Variants in GREB1 observed in about 807,000 individuals in gnomAD.
GREB1 encodes the protein protein GREB1.
A neutral mutation model predicts 200.7 loss-of-function variants in GREB1; 106 were observed. That is an observed-to-expected ratio of 0.53 (90% CI 0.45 to 0.62). The LOEUF (loss-of-function observed/expected upper bound fraction) is 0.62, where lower values mean the gene tolerates loss of function less well. Ranked by LOEUF, GREB1 falls within the 20% of genes least tolerant of loss-of-function variation. The pLI is 0.00. For synonymous variants in GREB1, 1,132 were observed against 1,092.4 expected (o/e 1.04, Z -0.72); for missense variants, 2,243 against 2,556.8 (o/e 0.88, Z 2.65).
At chr2:11,587,741 A>ACACACACACGCGCGCGCGCGCGCGCG in intron 9 of GREB1, 1 of 772,876 alleles carries the variant, frequency 1.3e-6, no homozygotes, top group African/African-American at 1.8e-5. Context: ...ACACACACAC[A>ACACACACACGCGCGCGCGCGCGCGCG]CGCCACCTTT....
chr2:11,558,719 A>G (rs1676682272), intron 2 of GREB1, among the ~76,000 whole-genome samples: 1 of 152,210 alleles, frequency 6.6e-6, no homozygotes, highest in Middle Eastern at 3.2e-3. Flanking sequence ...TGGTGCAGAC[A>G]GGCTTATCCA....
At chr2:11,488,995 G>T (rs975942402) in intron 1 of GREB1, among the ~76,000 whole-genome samples, 3 of 151,518 alleles carry the variant, frequency 2.0e-5, no homozygotes, top group African/African-American at 7.3e-5. Context: ...ATCACTTTTG[G>T]TCACCCTTGT....
intron 1 of GREB1, among the ~76,000 whole-genome samples, chr2:11,544,252 A>C (rs541253346): frequency 6.6e-6 from 1 of 152,112 alleles, no homozygotes; most frequent in South Asian, 2.1e-4. Context: ...GTCTTGCTCA[A>C]GTTGCCCAGG....
chr2:11,532,094 C>G (rs900524802), upstream of GREB1, among the ~76,000 whole-genome samples: 1 of 152,082 alleles, frequency 6.6e-6, no homozygotes, highest in Non-Finnish European at 1.5e-5. Context: ...GCTAAGGAGT[C>G]AACATTAGCA....
intron 1 of GREB1, among the ~76,000 whole-genome samples, chr2:11,504,857 C>A (rs566461289): frequency 2.6e-5 from 4 of 152,372 alleles, no homozygotes; most frequent in African/African-American, 7.2e-5. Context: ...GTGCCAGACA[C>A]AGCACTTTGG....
At chr2:11,625,610 T>C (rs1229689083) in intron 24 of GREB1, among the ~76,000 whole-genome samples, 2 of 152,188 alleles carry the variant, frequency 1.3e-5, no homozygotes, top group Admixed American at 1.3e-4. Context: ...TATGTTTACT[T>C]ATTAATTTGG....
chr2:11,551,685 T>C lies in GREB1; in HGVS notation c.-161-4769T>C, dbSNP rs543438712. Among the ~76,000 whole-genome samples the C allele has an allele frequency of 7.2e-5, 11 of 152,358 alleles. No individual in the cohort carries two copies. In the South Asian group the frequency reaches 1.7e-3, roughly 23 times the overall value. On this transcript the variant is annotated intron_variant, in intron 1 of 32. Coordinates refer to ENST00000381486, the MANE Select transcript of GREB1 (RefSeq NM_014668.4). ...TTCCTCAAATGCTGTTCTTAGTTTT[T>C]TTTCCAAAGACATCCTACTCAGTGG...
chr2:11,624,533 C>T (rs533855192), intron 23 of GREB1, among the ~76,000 whole-genome samples: 25 of 151,524 alleles, frequency 1.6e-4, no homozygotes, highest in South Asian at 4.2e-4. Flanking sequence ...TTAGTAGATA[C>T]GGGGTTTTAC....
intron 11 of GREB1, among the ~76,000 whole-genome samples, chr2:11,594,280 G>T (rs1014445800): frequency 2.0e-5 from 3 of 152,082 alleles, no homozygotes; most frequent in Non-Finnish European, 2.9e-5. Flanking sequence ...AAAGTGCTGG[G>T]ATTACAGGCA....
At chr2:11,515,794 C>T (rs1356396759) in intron 1 of GREB1, among the ~76,000 whole-genome samples, 3 of 152,250 alleles carry the variant, frequency 2.0e-5, no homozygotes, top group Admixed American at 2.0e-4. Context: ...AATCCTCTGG[C>T]ATTCTTCTTA....
chr2:11,502,613 AAACTACTAAAGGAGCAAAT>A (rs1172948191), intron 1 of GREB1, among the ~76,000 whole-genome samples: 5 of 152,118 alleles, frequency 3.3e-5, no homozygotes, highest in African/African-American at 1.2e-4. Flanking sequence ...TTATTTGGAT[AAACTACTAAAGGAGCAAAT>A]AACTACAAGA....
chr2:11,493,845 G>T lies in GREB1; in HGVS notation c.-159+11464G>T, dbSNP rs944341430. Among the ~76,000 whole-genome samples the T allele has an allele frequency of 6.6e-6, 1 of 152,194 alleles. No homozygotes were observed. Among genetic ancestry groups the T allele is most frequent in the African/African-American group, 2.4e-5 (1 of 41,436 alleles). The stretch of plus-strand genomic sequence containing the variant: ...CTGGGGGCAATTTGTAAACTCCAGA[G>T]ATGTAAGGTATTGCTGTTATCCTTA... On this transcript the variant is annotated intron_variant, in intron 1 of 2. Transcript: ENST00000628795. The surrounding 1 kb of genome is among the most constrained non-coding windows in gnomAD (Gnocchi z 4.6).
chr2:11,540,421 G>A (rs73189386), intron 1 of GREB1, among the ~76,000 whole-genome samples: 2,120 of 152,328 alleles, frequency 0.014, 57 homozygotes, highest in African/African-American at 0.049. Context: ...GTTTTCAGTG[G>A]TTTCTGCTTC....
rs1257102569 is a variant in GREB1, at chr2:11,570,595, CTGTAT to C, written c.454+3940_454+3944del. Among the ~76,000 whole-genome samples the C allele has an allele frequency of 3.3e-5, 5 of 151,710 alleles. No homozygotes were observed. The East Asian group carries it at 9.7e-4, about 29-fold the overall frequency. On this transcript the variant is annotated intron_variant, in intron 4 of 32. Transcript: ENST00000381486. ...AAGGGAGTTCTAAAGCATTTAGTTG[CTGTAT>C]CTCTTCAATTTTTCTTTATGTGTAG...
intron 17 of GREB1, among the ~76,000 whole-genome samples, chr2:11,606,853 G>A (rs1682348178): frequency 6.6e-6 from 1 of 151,380 alleles, no homozygotes; most frequent in South Asian, 2.1e-4. Context: ...CATGATCTTG[G>A]CTCACTGAAA....
chr2:11,513,773 T>G (rs1673413421), intron 1 of GREB1, among the ~76,000 whole-genome samples: 1 of 152,220 alleles, frequency 6.6e-6, no homozygotes, highest in African/African-American at 2.4e-5. Context: ...GGCCTGGTCC[T>G]TCTTGGTACC....
intron 1 of GREB1, among the ~76,000 whole-genome samples, chr2:11,484,481 G>A (rs1672599746): frequency 6.6e-6 from 1 of 151,696 alleles, no homozygotes; most frequent in South Asian, 2.1e-4. Flanking sequence ...GGCAGGCACG[G>A]CTCACACCTG....
intron 1 of GREB1, among the ~76,000 whole-genome samples, chr2:11,534,972 G>C (rs1272926731): frequency 1.3e-5 from 2 of 152,202 alleles, no homozygotes; most frequent in Non-Finnish European, 2.9e-5. Context: ...CATTCTGGAG[G>C]CCTCTGAATG....
chr2:11,507,415 A>AC (rs1196686592), intron 1 of GREB1, among the ~76,000 whole-genome samples: 2 of 151,668 alleles, frequency 1.3e-5, no homozygotes, highest in Admixed American at 6.6e-5. Flanking sequence ...AAAAAAAAAA[A>AC]AAACCATAAA....
Sources: allele counts gnomAD v4.1 joint callset (sites outside exome capture counted in the v4.1 genomes callset), GRCh38; gene constraint gnomAD v4.1.1; non-coding constraint Gnocchi (gnomAD v3.1); transcripts MANE v1.5; gene names NCBI Gene and HGNC (gene_info 2026-07-23, HGNC 2026-07-21).